The following MICAL2 variants were observed in gnomAD, a reference collection of about 807,000 sequenced individuals.
The protein encoded by MICAL2 is [F-actin]-monooxygenase MICAL2.
Under a neutral mutation model 127.3 loss-of-function variants are expected in MICAL2, and 77 were observed. The ratio of observed to expected loss-of-function variants is 0.60; its 90% CI spans 0.50 to 0.73. The LOEUF is 0.73. Among genes scored for constraint, MICAL2 ranks in the 30% least tolerant of loss-of-function variants. The pLI is 0.00. For synonymous variants in MICAL2, 570 were observed against 551.1 expected (o/e 1.03, Z -0.48); for missense variants, 1,351 against 1,434.4 (o/e 0.94, Z 0.94).
chr11:12,350,472 C>G (rs1172638545), intron 33 of MICAL2, among the ~76,000 whole-genome samples: 1 of 152,150 alleles, frequency 6.6e-6, no homozygotes, highest in Admixed American at 6.5e-5. Context: ...TACCTGTCAT[C>G]ATTCTAGAGG....
intron 30 of MICAL2, among the ~76,000 whole-genome samples, chr11:12,322,568 A>G (rs189912767): frequency 6.6e-5 from 10 of 152,324 alleles, no homozygotes; most frequent in Admixed American, 4.6e-4. Context: ...TTTAAATTTC[A>G]TATTTATTTA....
intron 3 of MICAL2, among the ~76,000 whole-genome samples, chr11:12,164,438 C>A (rs184848766): frequency 1.0e-3 from 154 of 152,264 alleles, no homozygotes; most frequent in Non-Finnish European, 1.6e-3. Context: ...TTGAGCTGTG[C>A]TTTTCAGAAA....
chr11:12,228,735 C>T (rs958538265), intron 15 of MICAL2, among the ~76,000 whole-genome samples: 6 of 152,076 alleles, frequency 3.9e-5, no homozygotes, highest in Admixed American at 6.5e-5. Flanking sequence ...CCATGCCAGG[C>T]GACAGGGAAG....
At chr11:12,327,278 C>T in intron 32 of MICAL2, 1 of 1,548,058 alleles carries the variant, frequency 6.5e-7, no homozygotes, top group African/African-American at 1.4e-5. Context: ...TACGGCATCC[C>T]AGCAGATCCG....
intron 30 of MICAL2, among the ~76,000 whole-genome samples, chr11:12,320,738 G>T (rs75482889): frequency 6.6e-6 from 1 of 151,972 alleles, no homozygotes; most frequent in African/African-American, 2.4e-5. Flanking sequence ...AGTCACTCTG[G>T]GGTTCCAACT....
intron 3 of MICAL2, among the ~76,000 whole-genome samples, chr11:12,169,276 T>C (rs1855946754): frequency 6.6e-6 from 1 of 152,236 alleles, no homozygotes; most frequent in Non-Finnish European, 1.5e-5. Context: ...CTGAAAAATA[T>C]ATCTTTGAGA....
chr11:12,327,117 C>T, intron 31 of MICAL2: 2 of 1,467,664 alleles, frequency 1.4e-6, no homozygotes, highest in Non-Finnish European at 1.9e-6. Flanking sequence ...AGAATCAGCC[C>T]CTCTTGGGAC....
chr11:12,227,549 GTATT>G (rs760473966), intron 15 of MICAL2, among the ~76,000 whole-genome samples: 2 of 152,148 alleles, frequency 1.3e-5, no homozygotes, highest in Non-Finnish European at 2.9e-5. Flanking sequence ...CCATTAATTT[GTATT>G]TATTCACTCA....
chr11:12,132,297 C>T (rs1185566763), intron 1 of MICAL2, among the ~76,000 whole-genome samples: 1 of 152,186 alleles, frequency 6.6e-6, no homozygotes, highest in Non-Finnish European at 1.5e-5. Flanking sequence ...TTGAACATTC[C>T]ACTCTCTTTC....
chr11:12,272,400 G>C (rs1215988145), upstream of MICAL2, among the ~76,000 whole-genome samples: 1 of 152,158 alleles, frequency 6.6e-6, no homozygotes, highest in East Asian at 1.9e-4. Flanking sequence ...GTAGATATTT[G>C]TGAACATGCC....
At position 12,110,970 on chromosome 11, in the gene MICAL2, G is replaced by A. The variant is rs1254607893; in HGVS notation, c.-149+244G>A. Among the ~76,000 whole-genome samples, 3 of 152,186 alleles carry A rather than the reference G, an allele frequency of 2.0e-5. No individual in the cohort carries two copies. Among genetic ancestry groups the A allele is most frequent in the Non-Finnish European group, 4.4e-5 (3 of 68,038 alleles). Reference sequence around the variant, plus strand: ...AGAACGCAATAAAAGCCTCCCACCGGCACGCCGAACTACCTCTTACTCCGC... The same window carrying A: ...AGAACGCAATAAAAGCCTCCCACCGACACGCCGAACTACCTCTTACTCCGC... On this transcript the variant is annotated intron_variant, in intron 1 of 27. Coordinates refer to ENST00000683283, the MANE Select transcript of MICAL2 (RefSeq NM_001282663.2). This position sits in a 1 kb window ranked among gnomAD's most constrained non-coding sequence, Gnocchi z 4.5.
intron 34 of MICAL2, among the ~76,000 whole-genome samples, chr11:12,357,960 CCT>C (rs745470743): frequency 1.2e-4 from 19 of 152,228 alleles, no homozygotes; most frequent in Non-Finnish European, 2.4e-4. Context: ...ATGGAAACCG[CCT>C]TTTTTGTTGT....
In MICAL2 at chr11:12,239,464, G is replaced by A. The variant is rs1165553276; in HGVS notation, c.2093G>A (p.Gly698Asp). Residue 698 changes from glycine to aspartate, a missense_variant, in exon 17 of 28, where the codon GGC becomes GAC. By Grantham distance (94) the Gly-to-Asp change is moderately conservative. Around this residue, in one of 2 missense-constraint regions of MICAL2, gnomAD observed 752 missense variants for 719.4 expected, o/e 1.05. Coordinates refer to ENST00000683283, the MANE Select transcript of MICAL2 (RefSeq NM_001282663.2). ...EPSNFSSRSL[G>D]SNQECGSSKE... is the part of the protein sequence containing the mutation. Reference sequence around the variant, plus strand: ...TCAAACTTTTCCAGCCGTAGCTTGGGCTCCAATCAAGAGTGTGGGAGCAGT... The same window carrying A: ...TCAAACTTTTCCAGCCGTAGCTTGGACTCCAATCAAGAGTGTGGGAGCAGT... 1.9e-6 allele frequency: 3 copies of A among 1,614,074 alleles called. No individual in the cohort carries two copies. The highest frequency in any genetic ancestry group is 2.5e-6 in the Non-Finnish European group (3 of 1,180,054).
At chr11:12,259,098 A>T (rs57649723) in intron 25 of MICAL2, among the ~76,000 whole-genome samples, 5,616 of 152,324 alleles carry the variant, frequency 0.037, 241 homozygotes, top group African/African-American at 0.093. Context: ...CCCATAACTT[A>T]AAACTTTTTT....
At chr11:12,236,297 T>A in intron 16 of MICAL2, 52 bp downstream of exon 16, 1 of 1,540,974 alleles carries the variant, frequency 6.5e-7, no homozygotes, top group South Asian at 1.1e-5. Context: ...TGACAACCAG[T>A]GGCCACAGGC....
At chr11:12,234,800 A>G (rs897741050) in intron 15 of MICAL2, among the ~76,000 whole-genome samples, 7 of 152,074 alleles carry the variant, frequency 4.6e-5, no homozygotes, top group Non-Finnish European at 1.0e-4. Flanking sequence ...GTGTTGGGGC[A>G]CCCGTAGCTA....
In MICAL2 at chr11:12,242,746, A is replaced by T. The variant is rs148802800; in HGVS notation, c.2632A>T (p.Met878Leu). 66 of 1,610,256 alleles carry T rather than the reference A, an allele frequency of 4.1e-5. No individual in the cohort carries two copies. In the Admixed American group the frequency reaches 5.1e-4, roughly 12 times the overall value. ...GGAGAAGGCGGCTCACCTTGCCTCC[A>T]TGTTTGGACACGGGGATTTCCCGCA... ...IKEKAAHLAS[M>L]FGHGDFPQNK... Residue 878 changes from methionine to leucine, a missense_variant, in exon 20 of 28, where the codon ATG (methionine) becomes TTG (leucine). Met to Leu is a conservative substitution (Grantham distance 15). Transcript: ENST00000683283.
At chr11:12,344,472 CTATTATTATTATTATTATTAT>C (rs1555024327) in intron 32 of MICAL2, among the ~76,000 whole-genome samples, 3 of 141,476 alleles carry the variant, frequency 2.1e-5, no homozygotes, top group East Asian at 2.1e-4. Context: ...ATTCTAGAAA[CTATTATTATTATTATTATTAT>C]TATTATTATT....
chr11:12,330,821 G>GA (rs763970752), intron 32 of MICAL2, among the ~76,000 whole-genome samples: 54,155 of 144,692 alleles, frequency 0.37, 14,395 homozygotes, highest in Non-Finnish European at 0.53. Flanking sequence ...GAGAGAGAGA[G>GA]GGAGAGACAG....
Sources: gnomAD v4.1 joint callset for allele counts (sites outside exome capture counted in the v4.1 genomes callset) on GRCh38, gnomAD v4.1.1 for gene constraint, gnomAD v4.1.1 regional missense constraint, Gnocchi (gnomAD v3.1) non-coding constraint, MANE v1.5 for transcripts, NCBI Gene and HGNC (gene_info 2026-07-23, HGNC 2026-07-21) for gene names.